Variants in PPTC7 observed in about 807,000 individuals in gnomAD.
PPTC7 encodes protein phosphatase targeting COQ7.
PPTC7 carries 6 observed loss-of-function variants against 30.8 expected under a neutral mutation model. That is an observed-to-expected ratio of 0.19 (90% CI 0.11 to 0.38). The LOEUF (loss-of-function observed/expected upper bound fraction) is 0.38, where lower values mean the gene tolerates loss of function less well. PPTC7 is among the 10% of genes least tolerant of loss of function. The probability of loss-of-function intolerance (pLI) is 1.00; values close to 1 mark genes in which losing one functional copy is unlikely to be tolerated. For synonymous variants in PPTC7, 163 were observed against 168.1 expected (o/e 0.97, Z 0.23); for missense variants, 218 against 404.8 (o/e 0.54, Z 3.96).
intron 1 of PPTC7, among the ~76,000 whole-genome samples, chr12:110,565,567 T>A (rs1039312540): frequency 2.3e-4 from 35 of 152,336 alleles, no homozygotes; most frequent in Middle Eastern, 3.4e-3. Flanking sequence ...TACTTTCCAA[T>A]TTTTTAGCAA....
At chr12:110,549,757 A>G (rs963170051) in intron 2 of PPTC7, among the ~76,000 whole-genome samples, 1 of 152,198 alleles carries the variant, frequency 6.6e-6, no homozygotes, top group Non-Finnish European at 1.5e-5. Context: ...TAAAATCAGG[A>G]TGGTTACGTG....
At chr12:110,572,275 C>T (rs2064542867) in intron 1 of PPTC7, among the ~76,000 whole-genome samples, 1 of 152,078 alleles carries the variant, frequency 6.6e-6, no homozygotes, top group Non-Finnish European at 1.5e-5. Context: ...GAAACCCCAT[C>T]TCTACTAAAA....
At position 110,583,091 on chromosome 12, in the gene PPTC7, C is replaced by A. The variant is rs1264458887; in HGVS notation, c.-60G>T. On this transcript the variant is annotated 5_prime_UTR_variant, in exon 1 of 6. Coordinates refer to ENST00000354300, the MANE Select transcript of PPTC7 (RefSeq NM_139283.2). ...GGGGGAGCAGGAGGACGCGGAGGCCCGGAGCCGGCTCTCTCCTCAGCCGCA... is the reference window on the plus strand; with the variant it reads ...GGGGGAGCAGGAGGACGCGGAGGCCAGGAGCCGGCTCTCTCCTCAGCCGCA... The A allele has an allele frequency of 3.1e-6, 4 of 1,296,746 alleles. No individual in the cohort carries two copies. The highest frequency in any genetic ancestry group is 2.0e-5 in the South Asian group (1 of 50,814). The allele number at this position is 1,296,746 out of a possible 1,614,324, so 80.3% of individuals were successfully genotyped here. A position where few individuals can be genotyped will look rare whatever the true frequency, so the allele number is the denominator to read the frequency against.
chr12:110,576,048 G>C (rs1484184093), intron 1 of PPTC7, among the ~76,000 whole-genome samples: 1 of 152,074 alleles, frequency 6.6e-6, no homozygotes, highest in Non-Finnish European at 1.5e-5. Flanking sequence ...AGACCACTCA[G>C]AATAGTCAGA....
intron 1 of PPTC7, 64 bp from the exon 2 acceptor site, chr12:110,552,032 T>G: frequency 7.4e-7 from 1 of 1,358,072 alleles, no homozygotes; most frequent in Non-Finnish European, 1.0e-6. Flanking sequence ...AATTCTTACC[T>G]CTGTTTTCTC....
chr12:110,552,987 G>A (rs1454439102), intron 1 of PPTC7, among the ~76,000 whole-genome samples: 1 of 151,794 alleles, frequency 6.6e-6, no homozygotes, highest in East Asian at 2.0e-4. Context: ...ATCGAGACCA[G>A]CCTGACCAAC....
rs2064201478 is a variant in PPTC7, at chr12:110,534,274, T to C, written c.*2763A>G. The C allele has an allele frequency of 6.6e-6, 1 of 152,158 alleles. No homozygotes were observed. 9.4% of individuals were successfully genotyped at this position (152,158 alleles called of 1,614,324 possible). ...TTATAATACAGTATTGCTTTATAAA[T>C]ATAGATGGAAAAGCTATAAACTTTA... On this transcript the variant is annotated 3_prime_UTR_variant, in exon 6 of 6. Transcript: ENST00000354300.
intron 1 of PPTC7, among the ~76,000 whole-genome samples, chr12:110,567,600 A>G (rs775143837): frequency 2.0e-5 from 3 of 152,164 alleles, no homozygotes; most frequent in Non-Finnish European, 2.9e-5. Context: ...ATGAGTCTGA[A>G]GCTCAACTAC....
chr12:110,576,982 C>G (rs1436451717), intron 1 of PPTC7, among the ~76,000 whole-genome samples: 1 of 152,040 alleles, frequency 6.6e-6, no homozygotes, highest in African/African-American at 2.4e-5. Flanking sequence ...GCCTGGCCAA[C>G]ATGGTGAAAC....
At chr12:110,547,611 CA>C (rs1258394400) in intron 2 of PPTC7, among the ~76,000 whole-genome samples, 1 of 151,762 alleles carries the variant, frequency 6.6e-6, no homozygotes, top group African/African-American at 2.4e-5. Flanking sequence ...AACTGTACAC[CA>C]AAAAGAGTAA....
At chr12:110,573,247 A>G (rs2064555051) in intron 1 of PPTC7, among the ~76,000 whole-genome samples, 1 of 152,258 alleles carries the variant, frequency 6.6e-6, no homozygotes, top group South Asian at 2.1e-4. Flanking sequence ...TTCCTCTTCA[A>G]GGAATTACCC....
chr12:110,539,899 T>C lies in PPTC7; in HGVS notation c.649A>G (p.Ile217Val), dbSNP rs1248568436. The C allele has an allele frequency of 1.9e-6, 3 of 1,614,022 alleles. No individual in the cohort carries two copies. Among genetic ancestry groups the C allele is most frequent in the African/African-American group, 1.3e-5 (1 of 74,922 alleles). Residue 217 changes from isoleucine to valine, a missense_variant, in exon 4 of 6, where the codon ATT becomes GTT. Physicochemically the swap from Ile to Val is conservative, Grantham distance 29 (BLOSUM62 3). Coordinates refer to ENST00000354300, the MANE Select transcript of PPTC7 (RefSeq NM_139283.2). The part of the protein sequence containing the change: ...STSFDVQLGD[I>V]ILTATDGLFD... ...AGTCCATCTGTTGCCGTCAGGATAATGTCTCCTAGCTGGACATCGAAAGAC... is the reference window on the plus strand; with the variant it reads ...AGTCCATCTGTTGCCGTCAGGATAACGTCTCCTAGCTGGACATCGAAAGAC...
rs2064218431 is a variant in PPTC7, at chr12:110,536,406, T to C, written c.*631A>G. On this transcript the variant is annotated 3_prime_UTR_variant, in exon 6 of 6. Transcript: ENST00000354300. ...TTTTTAAAAGCATGAAATATTTCCA[T>C]CCATAGAACTAAAATGGATTTTTCT... 1 of 152,236 alleles carries C rather than the reference T, an allele frequency of 6.6e-6. No homozygotes were observed. Among genetic ancestry groups the C allele is most frequent in the African/African-American group, 2.4e-5 (1 of 41,456 alleles). 9.4% of individuals were successfully genotyped at this position (152,236 alleles called of 1,614,324 possible).
chr12:110,579,544 G>A (rs2135799730), intron 1 of PPTC7, among the ~76,000 whole-genome samples: 1 of 152,238 alleles, frequency 6.6e-6, no homozygotes, highest in South Asian at 2.1e-4. Flanking sequence ...AAGTTCCTAA[G>A]AGCCCATGCA....
intron 1 of PPTC7, among the ~76,000 whole-genome samples, chr12:110,578,607 TA>T (rs1396001430): frequency 1.3e-5 from 2 of 152,178 alleles, no homozygotes; most frequent in East Asian, 3.8e-4. Context: ...CTTTCTCATA[TA>T]AAAAGAAAGA....
chr12:110,562,013 T>A (rs1392658672), intron 1 of PPTC7, among the ~76,000 whole-genome samples: 1 of 152,022 alleles, frequency 6.6e-6, no homozygotes, highest in African/African-American at 2.4e-5. Context: ...CTGCAAATAA[T>A]TATCCCAAAC....
intron 3 of PPTC7, among the ~76,000 whole-genome samples, chr12:110,542,673 C>CAAAAAAA (rs765332697): frequency 4.5e-4 from 12 of 26,738 alleles, no homozygotes; most frequent in African/African-American, 7.1e-4. Context: ...GACTCTGTCT[C>CAAAAAAA]AAAAAAAAAA....
At chr12:110,581,212 G>A (rs753750973) in intron 1 of PPTC7, among the ~76,000 whole-genome samples, 1 of 152,124 alleles carries the variant, frequency 6.6e-6, no homozygotes, top group African/African-American at 2.4e-5. Flanking sequence ...TCAGGAGTTC[G>A]AGACCGGCCT....
At chr12:110,563,044 G>A (rs2064451239) in intron 1 of PPTC7, among the ~76,000 whole-genome samples, 1 of 146,362 alleles carries the variant, frequency 6.8e-6, no homozygotes, top group African/African-American at 2.6e-5. Flanking sequence ...GCCTGAACCT[G>A]GGAGGCAGAG....
Sources: allele counts gnomAD v4.1 joint callset (sites outside exome capture counted in the v4.1 genomes callset), GRCh38; gene constraint gnomAD v4.1.1; transcripts MANE v1.5; gene names NCBI Gene and HGNC (gene_info 2026-07-23, HGNC 2026-07-21).